CEP128: variants seen among roughly 807,000 people sequenced by gnomAD.
CEP128 encodes the protein centrosomal protein 128kDa.
Under a neutral mutation model 156.7 loss-of-function variants are expected in CEP128, and 132 were observed. That is an observed-to-expected ratio of 0.84 (90% CI 0.73 to 0.97). The LOEUF (loss-of-function observed/expected upper bound fraction) is 0.97. CEP128 is among the 50% of genes least tolerant of loss of function. CEP128 has a pLI of 0.00. For synonymous variants in CEP128, 469 were observed against 448.9 expected (o/e 1.04, Z -0.57); for missense variants, 1,252 against 1,281.9 (o/e 0.98, Z 0.36).
chr14:80,880,023 A>T (rs1187651062), intron 8 of CEP128, among the ~76,000 whole-genome samples: 1 of 152,238 alleles, frequency 6.6e-6, no homozygotes, highest in Non-Finnish European at 1.5e-5. Flanking sequence ...AGATAAAGAC[A>T]TCACAAGAGA....
chr14:80,684,016 T>C (rs1301967481), intron 19 of CEP128, among the ~76,000 whole-genome samples: 1 of 151,918 alleles, frequency 6.6e-6, no homozygotes, highest in African/African-American at 2.4e-5. Context: ...AAATTAACAA[T>C]CTCACTTCAC....
chr14:80,504,960 G>A lies in CEP128; in HGVS notation c.3133C>T (p.Gln1045Ter), dbSNP rs774324551. 10 of 1,606,446 alleles carry A rather than the reference G, an allele frequency of 6.2e-6. No individual in the cohort carries two copies. In the East Asian group the frequency reaches 2.2e-4, roughly 36 times the overall value. The change falls in exon 24 of 25, where the codon CAG becomes TAG. Residue 1045 changes from glutamine (Q) to a stop codon, truncating the protein, a stop_gained. Coordinates refer to ENST00000555265, the MANE Select transcript of CEP128 (RefSeq NM_152446.5). LOFTEE classifies it high-confidence loss of function. Reference protein sequence around the residue: ...TRGLDHSSSWQDHSRFLSSPR... With the variant: ...TRGLDHSSSW ...CTAGACAGGAAGCGACTGTGATCCT[G>A]CCAAGAGGATGAGTGATCTAACCCA...
At chr14:80,673,459 C>T (rs1218779552) in intron 19 of CEP128, among the ~76,000 whole-genome samples, 1 of 139,498 alleles carries the variant, frequency 7.2e-6, no homozygotes, top group East Asian at 2.1e-4. Flanking sequence ...CCGGCTAAAA[C>T]GGTGAAACCC....
chr14:80,512,148 T>C (rs546984600), intron 23 of CEP128, among the ~76,000 whole-genome samples: 5 of 152,180 alleles, frequency 3.3e-5, no homozygotes, highest in African/African-American at 1.2e-4. Flanking sequence ...CTGGACAATC[T>C]GTCCAAAGCT....
At chr14:80,528,579 C>T (rs898379721) in intron 22 of CEP128, among the ~76,000 whole-genome samples, 8 of 152,146 alleles carry the variant, frequency 5.3e-5, no homozygotes, top group African/African-American at 1.2e-4. Context: ...TGAGCCACTG[C>T]GCCCAGCCAA....
chr14:80,793,145 T>A, intron 13 of CEP128, 35 bp from the exon 14 acceptor site: 4 of 1,541,004 alleles, frequency 2.6e-6, no homozygotes, highest in Non-Finnish European at 3.6e-6. Flanking sequence ...TAGGAACAAA[T>A]CCTTGTCAAA....
chr14:80,580,843 T>TC (rs1891561386), intron 19 of CEP128, among the ~76,000 whole-genome samples: 1 of 152,156 alleles, frequency 6.6e-6, no homozygotes, highest in Middle Eastern at 3.4e-3. Context: ...TAAAACAAGC[T>TC]CCCAAGCCAA....
At chr14:80,862,959 C>T in intron 8 of CEP128, 86 bp from the exon 9 acceptor site, 1 of 890,206 alleles carries the variant, frequency 1.1e-6, no homozygotes, top group Admixed American at 1.9e-5. Flanking sequence ...ATAGCAGATA[C>T]ACTACTGCTT....
chr14:80,894,284 A>G (rs1229985089), intron 8 of CEP128, among the ~76,000 whole-genome samples: 1 of 151,990 alleles, frequency 6.6e-6, no homozygotes, highest in Non-Finnish European at 1.5e-5. Flanking sequence ...ATTTATGAGA[A>G]GAGACAGCAT....
In CEP128 at chr14:80,785,314, G is replaced by C; in HGVS notation, c.1792C>G (p.Gln598Glu). Residue 598 changes from glutamine to glutamate, a missense_variant, in exon 15 of 25, where the codon CAG (glutamine) becomes GAG (glutamate). By Grantham distance (29) the Gln-to-Glu change is conservative. Transcript: ENST00000555265. The stretch of plus-strand genomic sequence containing the variant: ...TTCATCTGGCTTTGGATCTTACTCT[G>C]CTTTTTCAATTCGCTCTCCAGTCTA... Reference protein sequence around the residue: ...IHRLESELKKQSKIQSQMKVE... With the variant: ...IHRLESELKKESKIQSQMKVE... 1.2e-6 allele frequency: 2 copies of C among 1,614,108 alleles called. No homozygotes were observed. Among genetic ancestry groups the C allele is most frequent in the Non-Finnish European group, 1.7e-6 (2 of 1,180,004 alleles).
intron 2 of CEP128, among the ~76,000 whole-genome samples, chr14:80,936,999 G>A (rs1381393315): frequency 6.6e-6 from 1 of 151,534 alleles, no homozygotes; most frequent in Non-Finnish European, 1.5e-5. Context: ...CTTTTCTGGA[G>A]AACAACCTGG....
chr14:80,648,635 C>T (rs1388083611), intron 19 of CEP128, among the ~76,000 whole-genome samples: 3 of 151,960 alleles, frequency 2.0e-5, no homozygotes, highest in Non-Finnish European at 4.4e-5. Context: ...TAGAAGAATA[C>T]CTACATATTT....
chr14:80,887,426 G>A (rs770747171), intron 8 of CEP128, among the ~76,000 whole-genome samples: 32 of 152,092 alleles, frequency 2.1e-4, no homozygotes, highest in Non-Finnish European at 1.9e-4. Context: ...ATAACAAACA[G>A]TCTCTCAGAC....
Position 80,785,300 on chromosome 14 carries a change from T to A in CEP128, c.1806A>T (p.Gln602His), listed in dbSNP as rs1251207699. 6.2e-7 allele frequency: 1 copy of A among 1,614,192 alleles called. No homozygotes were observed. Among genetic ancestry groups the A allele is most frequent in the Admixed American group, 1.7e-5 (1 of 60,028 alleles). Residue 602 changes from glutamine to histidine, a missense_variant, in exon 15 of 25, where the codon CAA becomes CAT. Gln to His is a conservative substitution (Grantham distance 24). Transcript: ENST00000555265. ...GAGCTTTCTCAACTTTCATCTGGCT[T>A]TGGATCTTACTCTGCTTTTTCAATT... is the stretch of plus-strand genomic sequence containing the variant. ...ESELKKQSKI[Q>H]SQMKVEKAHL... is the part of the protein sequence containing the mutation.
Position 80,504,462 on chromosome 14 carries a change from T to C in CEP128, c.3181+450A>G, listed in dbSNP as rs796850416. On this transcript the variant is annotated intron_variant, in intron 24 of 24. Coordinates refer to ENST00000555265, the MANE Select transcript of CEP128 (RefSeq NM_152446.5). ...CCAATGGACTCATACATTGTTGATA[T>C]TGATGATGACATTTATCAAGATTCA... is the stretch of plus-strand genomic sequence containing the variant. Among the ~76,000 whole-genome samples, 9 of 152,228 alleles carry C rather than the reference T, an allele frequency of 5.9e-5. No homozygotes were observed. In the South Asian group the frequency reaches 1.5e-3, roughly 25 times the overall value.
At chr14:80,561,912 A>ATATATATATATTTGT (rs1555375130) in intron 20 of CEP128, among the ~76,000 whole-genome samples, 1 of 148,732 alleles carries the variant, frequency 6.7e-6, no homozygotes, top group East Asian at 2.0e-4. Flanking sequence ...ATATATATAT[A>ATATATATATATTTGT]TTTGTTTTGT....
intron 11 of CEP128, among the ~76,000 whole-genome samples, chr14:80,837,297 C>G (rs918076099): frequency 6.6e-6 from 1 of 152,192 alleles, no homozygotes; most frequent in Non-Finnish European, 1.5e-5. Context: ...CACAGACAGG[C>G]AGTTAGAAAC....
intron 14 of CEP128, among the ~76,000 whole-genome samples, chr14:80,479,668 C>T (rs1887013618): frequency 6.6e-6 from 1 of 152,058 alleles, no homozygotes; most frequent in South Asian, 2.1e-4. Context: ...ATCATTCTGC[C>T]CCTGGTCCCT....
chr14:80,608,131 T>A (rs1201524558), intron 19 of CEP128, among the ~76,000 whole-genome samples: 2 of 152,234 alleles, frequency 1.3e-5, no homozygotes, highest in African/African-American at 4.8e-5. Context: ...TCTAAAACGA[T>A]GTAAAGTCAG....
Sources: gnomAD v4.1 joint callset for allele counts (sites outside exome capture counted in the v4.1 genomes callset) on GRCh38, gnomAD v4.1.1 for gene constraint, MANE v1.5 for transcripts, NCBI Gene and HGNC (gene_info 2026-07-23, HGNC 2026-07-21) for gene names.